RGS3: variants seen among roughly 807,000 people sequenced by gnomAD.
RGS3 encodes regulator of G-protein signalling 3.
A neutral mutation model predicts 132.6 loss-of-function variants in RGS3; 80 were observed. That is an observed-to-expected ratio of 0.60 (90% CI 0.50 to 0.73). RGS3 has a LOEUF of 0.73. Ranked by LOEUF, RGS3 falls within the 30% of genes least tolerant of loss-of-function variation. The pLI is 0.00. For synonymous variants in RGS3, 598 were observed against 620.6 expected (o/e 0.96, Z 0.54); for missense variants, 1,382 against 1,530.8 (o/e 0.90, Z 1.62).
chr9:113,474,663 C>T (rs999778590), intron 3 of RGS3, among the ~76,000 whole-genome samples: 5 of 152,166 alleles, frequency 3.3e-5, no homozygotes, highest in Admixed American at 3.3e-4. Context: ...GTAGACCCAA[C>T]TGCCTTCATA....
At chr9:113,545,723 TGGGC>T (rs1413352652) in intron 19 of RGS3, among the ~76,000 whole-genome samples, 28 of 152,200 alleles carry the variant, frequency 1.8e-4, no homozygotes, top group Non-Finnish European at 3.2e-4. Flanking sequence ...GGTAACCTGG[TGGGC>T]ACTTACAAGA....
At chr9:113,555,646 T>C (rs1833537407) in intron 19 of RGS3, among the ~76,000 whole-genome samples, 1 of 152,104 alleles carries the variant, frequency 6.6e-6, no homozygotes, top group Non-Finnish European at 1.5e-5. Context: ...TTTGTATTTT[T>C]AGTAGAGACA....
At position 113,522,682 on chromosome 9, in the gene RGS3, C is replaced by A; in HGVS notation, c.1759-248C>A. ...GAGGGTGAGGGCCACTTTTCCCCTT[C>A]TGTTTGCTTTTTTCCTACTTTGAGG... On this transcript the variant is annotated intron_variant, in intron 16 of 24. Transcript: ENST00000350696. 1.6e-5 allele frequency: 8 copies of A among 506,118 alleles called. No homozygotes were observed. In the South Asian group the frequency reaches 1.8e-4, roughly 12 times the overall value. The allele number at this position is 506,118 out of a possible 1,614,324, so 31.4% of individuals were successfully genotyped here.
At chr9:113,509,866 G>A (rs1373247233) in intron 14 of RGS3, among the ~76,000 whole-genome samples, 3 of 152,204 alleles carry the variant, frequency 2.0e-5, no homozygotes, top group African/African-American at 7.2e-5. Flanking sequence ...GGGCAGTTGA[G>A]CCTGGTCAGT....
chr9:113,547,582 T>C (rs1222134113), intron 19 of RGS3, among the ~76,000 whole-genome samples: 1 of 152,240 alleles, frequency 6.6e-6, no homozygotes, highest in Non-Finnish European at 1.5e-5. Context: ...GTGTTTTCCA[T>C]TAAAAGCAAT....
chr9:113,522,730 G>T, intron 16 of RGS3, 200 bp from the exon 15 acceptor site: 1 of 586,246 alleles, frequency 1.7e-6, no homozygotes, highest in East Asian at 2.8e-5. Flanking sequence ...GGAAGCTGGA[G>T]GGTGATGGGG....
intron 18 of RGS3, among the ~76,000 whole-genome samples, chr9:113,529,568 A>G (rs753790850): frequency 1.3e-5 from 2 of 152,224 alleles, no homozygotes; most frequent in Non-Finnish European, 2.9e-5. Flanking sequence ...TGGCCGGGCA[A>G]CTGTGCATCA....
chr9:113,495,740 G>A, intron 7 of RGS3, 46 bp from the exon 6 acceptor site: 19 of 1,545,166 alleles, frequency 1.2e-5, no homozygotes, highest in Non-Finnish European at 1.7e-5. Context: ...CCTCCCGATA[G>A]AGCCCAGAAA....
At chr9:113,452,023 G>A (rs1031171777) in intron 1 of RGS3, among the ~76,000 whole-genome samples, 3 of 151,946 alleles carry the variant, frequency 2.0e-5, no homozygotes, top group Admixed American at 2.0e-4. Flanking sequence ...TTAAGAGTCA[G>A]GGGGTCACTC....
At chr9:113,508,547 C>T (rs34542172) in exon 14 of RGS3, 19 of 1,612,572 alleles carry the variant, frequency 1.2e-5, no homozygotes, top group African/African-American at 4.0e-5. Flanking sequence ...GCAGCTGCTC[C>T]GGCCTGTGTA....
intron 10 of RGS3, among the ~76,000 whole-genome samples, chr9:113,499,226 CAAAAAAAAAAA>C (rs57507668): frequency 3.3e-5 from 2 of 60,682 alleles, no homozygotes; most frequent in Non-Finnish European, 6.5e-5. Flanking sequence ...GATTCCATCT[CAAAAAAAAAAA>C]AAAAAAAAAA....
At chr9:113,495,978 G>T (rs1306540617) in intron 8 of RGS3, 132 bp downstream of exon 6, 2 of 807,738 alleles carry the variant, frequency 2.5e-6, no homozygotes, top group Non-Finnish European at 4.4e-6. Context: ...GGTGCCCTGT[G>T]GGGTGGCCTG....
At chr9:113,532,831 C>T (rs565450221) in intron 18 of RGS3, among the ~76,000 whole-genome samples, 1 of 152,238 alleles carries the variant, frequency 6.6e-6, no homozygotes, top group East Asian at 1.9e-4. Context: ...GAGGGGGACA[C>T]CATCCTGGAG....
intron 8 of RGS3, among the ~76,000 whole-genome samples, chr9:113,496,313 G>A (rs1266311853): frequency 6.6e-6 from 1 of 152,176 alleles, no homozygotes; most frequent in African/African-American, 2.4e-5. Context: ...TCAGGCTGGA[G>A]GAGGACTCTT....
At chr9:113,575,108 G>A (rs1210201894) in intron 19 of RGS3, among the ~76,000 whole-genome samples, 3 of 152,274 alleles carry the variant, frequency 2.0e-5, no homozygotes, top group East Asian at 1.9e-4. Flanking sequence ...CCCAGACCCC[G>A]GGAGCCGCCT....
At chr9:113,538,358 G>T (rs1188903057) in intron 19 of RGS3, among the ~76,000 whole-genome samples, 1 of 152,218 alleles carries the variant, frequency 6.6e-6, no homozygotes, top group African/African-American at 2.4e-5. Context: ...GTTGGTCACA[G>T]TCAGAATCCA....
chr9:113,581,033 G>A lies in RGS3; in HGVS notation c.2038-2417G>A, dbSNP rs1422275718. 35 of 921,432 alleles carry A rather than the reference G, an allele frequency of 3.8e-5. 3 individuals carry two copies. In the South Asian group the frequency reaches 1.0e-3, roughly 28 times the overall value. 57.1% of individuals were successfully genotyped at this position (921,432 alleles called of 1,614,324 possible). A position where few individuals can be genotyped will look rare whatever the true frequency, so the allele number is the denominator to read the frequency against. The stretch of plus-strand genomic sequence containing the variant: ...AGGTGGCTGGGCCAGGGGGTGGGTC[G>A]GGGGGAGGTCTGGCCATGTGGTAGG... On this transcript the variant is annotated intron_variant, in intron 19 of 24. Transcript: ENST00000350696.
At chr9:113,563,730 C>T (rs963143437) in intron 19 of RGS3, among the ~76,000 whole-genome samples, 1 of 152,202 alleles carries the variant, frequency 6.6e-6, no homozygotes, top group Admixed American at 6.5e-5. Context: ...CAGAGGAGGG[C>T]TATTCTGAGT....
Position 113,579,084 on chromosome 9 carries a change from C to G in RGS3, c.2038-4366C>G, listed in dbSNP as rs968353286. Among the ~76,000 whole-genome samples, 1 of 151,692 alleles carries G rather than the reference C, an allele frequency of 6.6e-6. No individual in the cohort carries two copies. Among genetic ancestry groups the G allele is most frequent in the Non-Finnish European group, 1.5e-5 (1 of 67,928 alleles). The stretch of plus-strand genomic sequence containing the variant: ...AGGCAAACCCCAGTTTACACCCCCC[C>G]AGTGCAGGAAGTGGTTTTCGAGGGC... On this transcript the variant is annotated intron_variant, in intron 19 of 24. Coordinates refer to ENST00000350696, the Ensembl canonical transcript of RGS3. The surrounding 1 kb of genome is among the most constrained non-coding windows in gnomAD (Gnocchi z 4.3).
Sources: allele counts gnomAD v4.1 joint callset (sites outside exome capture counted in the v4.1 genomes callset), GRCh38; gene constraint gnomAD v4.1.1; non-coding constraint Gnocchi (gnomAD v3.1); transcripts MANE v1.5; gene names NCBI Gene and HGNC (gene_info 2026-07-23, HGNC 2026-07-21).